Variants in GLRX3 observed in about 807,000 individuals in gnomAD.
The protein encoded by GLRX3 is glutaredoxin-3.
A neutral mutation model predicts 49.5 loss-of-function variants in GLRX3; 22 were observed. The observed-to-expected ratio is 0.44, with a 90% CI of 0.32 to 0.63. The LOEUF (loss-of-function observed/expected upper bound fraction) is 0.63. Among genes scored for constraint, GLRX3 ranks in the 30% least tolerant of loss-of-function variants. The pLI is 0.05. For synonymous variants in GLRX3, 133 were observed against 140.0 expected (o/e 0.95, Z 0.35); for missense variants, 385 against 396.3 (o/e 0.97, Z 0.24).
chr10:130,169,501 C>CA lies in GLRX3; in HGVS notation c.771+16dup. 5 of 1,563,348 alleles carry CA rather than the reference C, an allele frequency of 3.2e-6. No individual in the cohort carries two copies. Among genetic ancestry groups the CA allele is most frequent in the Non-Finnish European group, 4.4e-6 (5 of 1,134,196 alleles). On this transcript the variant is annotated intron_variant, in intron 7 of 10. Coordinates refer to ENST00000331244, the MANE Select transcript of GLRX3 (RefSeq NM_006541.5). ...AAAGGAAACAAACAGGTAAAGAACT[C>CA]AAAAATGGTTTTATTTGTAATTTCT...
intron 8 of GLRX3, among the ~76,000 whole-genome samples, chr10:130,173,373 C>T (rs997539330): frequency 9.9e-5 from 15 of 152,180 alleles, no homozygotes; most frequent in Admixed American, 5.9e-4. Flanking sequence ...GCGTGATTGG[C>T]CCTAGGATGA....
rs147767090 is a variant in GLRX3 at position 130,174,942 on chromosome 10, G to T, written c.864+36G>T. ...TGTTTGATGTTTCACCCTTGTCTTA[G>T]CTTTAATCTTAAGGGCCTGATAGGA... On this transcript the variant is annotated intron_variant, in intron 9 of 10. Transcript: ENST00000331244. 1,610 of 1,578,736 alleles carry T rather than the reference G, an allele frequency of 1.0e-3. 14 individuals carry two copies. The African/African-American group carries it at 0.019, about 19-fold the overall frequency.
At chr10:130,151,522 G>T (rs1384371622) in intron 2 of GLRX3, among the ~76,000 whole-genome samples, 3 of 151,112 alleles carry the variant, frequency 2.0e-5, no homozygotes, top group Non-Finnish European at 4.4e-5. Flanking sequence ...CCCTCCCTCA[G>T]CCCCCCACCC....
intron 3 of GLRX3, among the ~76,000 whole-genome samples, chr10:130,160,344 A>C (rs541837831): frequency 4.0e-5 from 6 of 150,182 alleles, no homozygotes; most frequent in Admixed American, 2.0e-4. Flanking sequence ...TGGCTGTGGA[A>C]CCCCAGTGTT....
rs368563974 is a variant in GLRX3 at position 130,179,389 on chromosome 10, T to G, written c.1005T>G (p.Asn335Lys). The change falls in exon 11 of 11, where the codon AAT (asparagine) becomes AAG (lysine). Residue 335 changes from asparagine to lysine, a missense_variant. By Grantham distance (94) the Asn-to-Lys change is moderately conservative. This residue lies in a region of GLRX3 where 11 missense variants were observed against 37.6 expected (regional missense o/e 0.29). Transcript: ENST00000331244. The stretch of plus-strand genomic sequence containing the variant: ...TGCTGCCTATACTGAGAGGAGAAAA[T>G]TAATAAATCTTAAACTTGGTGCCCA... ...GELLPILRGE[N>K] is the part of the protein sequence containing the mutation. The G allele has an allele frequency of 4.1e-6, 6 of 1,459,168 alleles. No individual in the cohort carries two copies. Among genetic ancestry groups the G allele is most frequent in the Non-Finnish European group, 5.7e-6 (6 of 1,056,316 alleles). 90.4% of individuals were successfully genotyped at this position (1,459,168 alleles called of 1,614,324 possible). A position where few individuals can be genotyped will look rare whatever the true frequency, so the allele number is the denominator to read the frequency against.
intron 2 of GLRX3, among the ~76,000 whole-genome samples, chr10:130,153,637 A>C (rs891256853): frequency 6.6e-6 from 1 of 152,204 alleles, no homozygotes; most frequent in Non-Finnish European, 1.5e-5. Flanking sequence ...GCTGCAGAAC[A>C]GCAAATATTG....
chr10:130,150,365 A>G, intron 2 of GLRX3, among the ~76,000 whole-genome samples: 1 of 152,154 alleles, frequency 6.6e-6, no homozygotes, highest in Non-Finnish European at 1.5e-5. Flanking sequence ...CTGCTAGGCC[A>G]TAGTATACTC....
At chr10:130,161,472 G>A (rs1437837274) in intron 4 of GLRX3, among the ~76,000 whole-genome samples, 1 of 152,190 alleles carries the variant, frequency 6.6e-6, no homozygotes, top group African/African-American at 2.4e-5. Context: ...TGTCCAGCCT[G>A]TGTGCTTTTG....
intron 10 of GLRX3, among the ~76,000 whole-genome samples, chr10:130,177,954 G>A (rs144336779): frequency 4.1e-4 from 63 of 152,254 alleles, no homozygotes; most frequent in Middle Eastern, 6.8e-3. Context: ...TTCAAGCTTG[G>A]TGTCTATAAT....
chr10:130,165,447 A>G (rs1322826703), intron 4 of GLRX3, among the ~76,000 whole-genome samples: 1 of 152,224 alleles, frequency 6.6e-6, no homozygotes, highest in Non-Finnish European at 1.5e-5. Context: ...ACAAAAGTAT[A>G]ATAAAATCAT....
intron 4 of GLRX3, among the ~76,000 whole-genome samples, chr10:130,166,244 CTTT>C (rs58269012): frequency 7.2e-6 from 1 of 139,448 alleles, no homozygotes; most frequent in Non-Finnish European, 1.6e-5. Context: ...ACACACACCA[CTTT>C]TTTTTTTTTT....
At chr10:130,143,701 CTT>C (rs59065659) in intron 1 of GLRX3, among the ~76,000 whole-genome samples, 6 of 142,870 alleles carry the variant, frequency 4.2e-5, no homozygotes, top group Admixed American at 7.1e-5. Flanking sequence ...CTAGAAAAAT[CTT>C]TTTTTTTTTT....
Position 130,152,409 on chromosome 10 carries a change from T to C in GLRX3, c.201+7090T>C, listed in dbSNP as rs191960620. On this transcript the variant is annotated intron_variant, in intron 2 of 10. Coordinates refer to ENST00000331244, the MANE Select transcript of GLRX3 (RefSeq NM_006541.5). ...AGTTTCTTCATAGTGTCGATGGTGT[T>C]TCACCATTTGGCCTGTTTTTGCAGT... 3.5e-4 allele frequency among the ~76,000 whole-genome samples: 53 copies of C among 152,342 alleles called. 1 individual carries two copies. The highest frequency in any genetic ancestry group is 1.3e-3 in the African/African-American group (52 of 41,572).
intron 4 of GLRX3, among the ~76,000 whole-genome samples, chr10:130,164,100 C>A (rs1488751117): frequency 1.1e-4 from 17 of 152,192 alleles, no homozygotes; most frequent in Admixed American, 9.2e-4. Flanking sequence ...CTCAGCCTAA[C>A]CCCTGCACAG....
Position 130,136,454 on chromosome 10 carries a change from G to T in GLRX3, c.34G>T (p.Ala12Ser). 4 of 1,264,446 alleles carry T rather than the reference G, an allele frequency of 3.2e-6. No individual in the cohort carries two copies. Among genetic ancestry groups the T allele is most frequent in the Non-Finnish European group, 4.0e-6 (4 of 998,852 alleles). 78.3% of individuals were successfully genotyped at this position (1,264,446 alleles called of 1,614,324 possible). Residue 12 changes from alanine to serine, a missense_variant, in exon 1 of 11, where the codon GCC becomes TCC. Transcript: ENST00000331244. ...GGGGGCGGCTGAGGCAGCTGTAGCG[G>T]CCGTGGAGGAGGTCGGCTCAGCCGG... is the stretch of plus-strand genomic sequence containing the variant. ...AAGAAEAAVA[A>S]VEEVGSAGQF...
intron 7 of GLRX3, among the ~76,000 whole-genome samples, chr10:130,170,858 A>G (rs1416687184): frequency 6.6e-6 from 1 of 152,128 alleles, no homozygotes; most frequent in Non-Finnish European, 1.5e-5. Flanking sequence ...ATGAGGCTGG[A>G]TGCGGTAGCT....
chr10:130,141,466 T>C (rs1862174364), intron 1 of GLRX3, among the ~76,000 whole-genome samples: 1 of 152,182 alleles, frequency 6.6e-6, no homozygotes, highest in South Asian at 2.1e-4. Flanking sequence ...ACAGGAAGAA[T>C]ATAGAACCCA....
chr10:130,157,476 A>G (rs1862493335), intron 2 of GLRX3, among the ~76,000 whole-genome samples: 2 of 97,804 alleles, frequency 2.0e-5, no homozygotes, highest in South Asian at 8.1e-4. Context: ...CCTTCAACCT[A>G]TTGGATGGTG....
At chr10:130,171,478 C>T in intron 7 of GLRX3, 106 bp from the exon 8 acceptor site, 1 of 730,960 alleles carries the variant, frequency 1.4e-6, no homozygotes, top group South Asian at 1.5e-5. Context: ...AAAGTAGTGG[C>T]AGCTATGCTG....
Sources: gnomAD v4.1 joint callset for allele counts (sites outside exome capture counted in the v4.1 genomes callset) on GRCh38, gnomAD v4.1.1 for gene constraint, gnomAD v4.1.1 regional missense constraint, MANE v1.5 for transcripts, NCBI Gene and HGNC (gene_info 2026-07-23, HGNC 2026-07-21) for gene names.